The following ACOT7 variants were observed in gnomAD, a reference collection of about 807,000 sequenced individuals.
ACOT7 encodes the protein acyl-CoA thioesterase 7.
ACOT7 carries 12 observed loss-of-function variants against 40.2 expected under a neutral mutation model. The ratio of observed to expected loss-of-function variants is 0.30; its 90% confidence interval spans 0.19 to 0.48. The LOEUF is 0.48. Ranked by LOEUF, ACOT7 falls within the 20% of genes least tolerant of loss-of-function variation. ACOT7 has a pLI of 0.99. For synonymous variants in ACOT7, 228 were observed against 219.5 expected (o/e 1.04, Z -0.34); for missense variants, 395 against 530.8 (o/e 0.74, Z 2.51).
Position 6,359,818 on chromosome 1 carries a change from C to T in ACOT7, c.144-9952G>A, listed in dbSNP as rs562662093. 1.3e-5 allele frequency among the ~76,000 whole-genome samples: 2 copies of T among 152,184 alleles called. No individual in the cohort carries two copies. Among genetic ancestry groups the T allele is most frequent in the African/African-American group, 2.4e-5 (1 of 41,436 alleles). ...GAAAGTCCCCAGCCAGAGTGCAGGC[C>T]GCACAGCCTCAACCAGGCTGCACCC... On this transcript the variant is annotated intron_variant, in intron 1 of 8. Transcript: ENST00000361521. The surrounding 1 kb of genome is among the most constrained non-coding windows in gnomAD (Gnocchi z 4.1).
At position 6,393,402 on chromosome 1, in the gene ACOT7, AG is replaced by A; in HGVS notation, c.-4del. On this transcript the variant is annotated 5_prime_UTR_variant, in exon 1 of 9. Transcript: ENST00000361521. Reference sequence around the variant, plus strand: ...TGAATGAGCCCGGGCCGCGCCATAAAGGGGGAGGGCAGAGGTGGAGCGATGG... The same window carrying A: ...TGAATGAGCCCGGGCCGCGCCATAAAGGGGAGGGCAGAGGTGGAGCGATGG... 2 of 1,226,950 alleles carry A rather than the reference AG, an allele frequency of 1.6e-6. No individual in the cohort carries two copies. The highest frequency in any genetic ancestry group is 4.1e-5 in the South Asian group (1 of 24,434). The allele number at this position is 1,226,950 out of a possible 1,614,324, so 76.0% of individuals were successfully genotyped here. A position where few individuals can be genotyped will look rare whatever the true frequency, so the allele number is the denominator to read the frequency against.
intron 1 of ACOT7, among the ~76,000 whole-genome samples, chr1:6,380,241 G>C (rs1212213072): frequency 6.6e-6 from 1 of 151,542 alleles, no homozygotes; most frequent in African/African-American, 2.4e-5. Flanking sequence ...AGAATCAATA[G>C]AACAGAGAGC....
intron 1 of ACOT7, among the ~76,000 whole-genome samples, chr1:6,357,612 G>A (rs1641782712): frequency 6.6e-6 from 1 of 152,230 alleles, no homozygotes; most frequent in African/African-American, 2.4e-5. Context: ...GACACTCGGA[G>A]CTTCCTTCAG....
At chr1:6,332,094 C>T (rs1203729074) in intron 4 of ACOT7, among the ~76,000 whole-genome samples, 1 of 152,238 alleles carries the variant, frequency 6.6e-6, no homozygotes, top group Non-Finnish European at 1.5e-5. Context: ...GAGCACCCAG[C>T]GTCTCTATTG....
intron 3 of ACOT7, among the ~76,000 whole-genome samples, chr1:6,336,488 G>A (rs938533350): frequency 1.4e-4 from 21 of 152,236 alleles, no homozygotes; most frequent in South Asian, 1.2e-3. Context: ...TTTGCGGGTC[G>A]TCTGCCTGGG....
intron 8 of ACOT7, among the ~76,000 whole-genome samples, chr1:6,277,789 C>T (rs575377063): frequency 6.6e-5 from 10 of 152,356 alleles, no homozygotes; most frequent in African/African-American, 1.9e-4. Flanking sequence ...TGACCCTGGA[C>T]ACCATTCAAC....
intron 5 of ACOT7, among the ~76,000 whole-genome samples, chr1:6,321,917 A>G (rs1337977735): frequency 1.3e-5 from 2 of 151,900 alleles, no homozygotes; most frequent in African/African-American, 2.4e-5. Context: ...TCAGAGCCCC[A>G]CTCCTCGTGG....
chr1:6,336,743 C>A (rs992161157), intron 3 of ACOT7, among the ~76,000 whole-genome samples: 10 of 146,090 alleles, frequency 6.8e-5, no homozygotes, highest in Admixed American at 5.3e-4. Context: ...GTGTGCCAGG[C>A]ACTGTTCTTG....
At chr1:6,308,398 G>A (rs529151085) in intron 6 of ACOT7, among the ~76,000 whole-genome samples, 6 of 144,686 alleles carry the variant, frequency 4.1e-5, no homozygotes, top group South Asian at 2.2e-4. Flanking sequence ...AACTACAACC[G>A]GGCAGAGGGA....
intron 1 of ACOT7, among the ~76,000 whole-genome samples, chr1:6,361,099 G>A (rs1641883551): frequency 6.6e-6 from 1 of 152,178 alleles, no homozygotes; most frequent in Non-Finnish European, 1.5e-5. Context: ...CACCACGGAT[G>A]GGTAGGTAAA....
Position 6,327,409 on chromosome 1 carries a change from G to A in ACOT7, c.515C>T (p.Ser172Phe). 6.2e-7 allele frequency: 1 copy of A among 1,614,066 alleles called. No homozygotes were observed. Among genetic ancestry groups the A allele is most frequent in the Middle Eastern group, 1.6e-4 (1 of 6,062 alleles). The change falls in exon 5 of 9, where the codon TCC (serine) becomes TTC (phenylalanine). Residue 172 changes from serine to phenylalanine, a missense_variant. This residue lies in a region of ACOT7 where 309 missense variants were observed against 470.3 expected (regional missense o/e 0.66). Transcript: ENST00000361521. ...KVLEVPPVVY[S>F]RQEQEEEGRK... Reference sequence around the variant, plus strand: ...GCCCTCCTCCTCCTGCTCCTGCCGGGAATACTGCGAGAAACCAAAGACAGG... The same window carrying A: ...GCCCTCCTCCTCCTGCTCCTGCCGGAAATACTGCGAGAAACCAAAGACAGG...
chr1:6,341,991 C>G (rs541426954), intron 2 of ACOT7, among the ~76,000 whole-genome samples: 4 of 152,308 alleles, frequency 2.6e-5, no homozygotes, highest in Non-Finnish European at 4.4e-5. Flanking sequence ...TTTCTCTCTT[C>G]ATCTACCCTG....
At chr1:6,341,199 T>C (rs1488876476) in intron 2 of ACOT7, among the ~76,000 whole-genome samples, 1 of 151,400 alleles carries the variant, frequency 6.6e-6, no homozygotes, top group Non-Finnish European at 1.5e-5. Flanking sequence ...TGGAATGCAG[T>C]GGTGCAATCT....
intron 1 of ACOT7, among the ~76,000 whole-genome samples, chr1:6,373,754 C>T (rs958959677): frequency 6.6e-6 from 1 of 151,924 alleles, no homozygotes; most frequent in Non-Finnish European, 1.5e-5. Context: ...AATCCCAGCC[C>T]TTCAGGAGGC....
rs1322355912 is a variant in ACOT7, at chr1:6,352,608, T to C, written c.144-2742A>G. On this transcript the variant is annotated intron_variant, in intron 1 of 8. Transcript: ENST00000361521. The surrounding 1 kb of genome is among the most constrained non-coding windows in gnomAD (Gnocchi z 4.5). Reference sequence around the variant, plus strand: ...TTTTCCCATTTCTTTTTTTTTTTTTTTGAGACGGCGTCTCGCTCTGTCTCC... The same window carrying C: ...TTTTCCCATTTCTTTTTTTTTTTTTCTGAGACGGCGTCTCGCTCTGTCTCC... Among the ~76,000 whole-genome samples, 1 of 151,888 alleles carries C rather than the reference T, an allele frequency of 6.6e-6. No individual in the cohort carries two copies. The highest frequency in any genetic ancestry group is 2.4e-5 in the African/African-American group (1 of 41,400).
rs1013614633 is a variant in ACOT7 at position 6,270,550 on chromosome 1, G to A, written c.1015-5855C>T. Among the ~76,000 whole-genome samples the A allele has an allele frequency of 3.9e-5, 6 of 152,222 alleles. 1 individual carries two copies. Among genetic ancestry groups the A allele is most frequent in the Non-Finnish European group, 8.8e-5 (6 of 68,040 alleles). On this transcript the variant is annotated intron_variant, in intron 8 of 8. Coordinates refer to ENST00000361521, the MANE Select transcript of ACOT7 (RefSeq NM_007274.4). ...GGGCACATGACCCCCATGTATCCCG[G>A]GCACCTGCCTGATGGAAGGGATGGG...
intron 2 of ACOT7, among the ~76,000 whole-genome samples, chr1:6,347,503 G>A (rs1641463370): frequency 6.6e-6 from 1 of 152,180 alleles, no homozygotes; most frequent in African/African-American, 2.4e-5. Flanking sequence ...AGTGGCTCAC[G>A]CCTGTAATCC....
intron 2 of ACOT7, among the ~76,000 whole-genome samples, chr1:6,348,198 C>G (rs1641486835): frequency 6.6e-6 from 1 of 152,142 alleles, no homozygotes; most frequent in South Asian, 2.1e-4. Context: ...GCCAGCGAGC[C>G]CCTCCTAAAC....
rs150589690 is a variant in ACOT7, at chr1:6,292,665, G to GT, written c.829+2198dup. 4.7e-3 allele frequency among the ~76,000 whole-genome samples: 652 copies of GT among 140,040 alleles called. 3 individuals carry two copies. The highest frequency in any genetic ancestry group is 0.011 in the African/African-American group (434 of 38,122). The allele number at this position is 140,040 out of a possible 152,430, so 91.9% of individuals were successfully genotyped here. The stretch of plus-strand genomic sequence containing the variant: ...ACAAGGAGTTAAGGGTGGGGACTTT[G>GT]TTTTTTTTTTGTTTTTTTGTGTTTT... On this transcript the variant is annotated intron_variant, in intron 7 of 8. Transcript: ENST00000361521.
Sources: gnomAD v4.1 joint callset for allele counts (sites outside exome capture counted in the v4.1 genomes callset) on GRCh38, gnomAD v4.1.1 for gene constraint, gnomAD v4.1.1 regional missense constraint, Gnocchi (gnomAD v3.1) non-coding constraint, MANE v1.5 for transcripts, NCBI Gene and HGNC (gene_info 2026-07-23, HGNC 2026-07-21) for gene names.